The following CDK11A variants were observed in gnomAD, a reference collection of about 807,000 sequenced individuals.
CDK11A encodes cyclin dependent kinase 11A, also known as cyclin-dependent kinase 11A.
CDK11A carries 55 observed loss-of-function variants against 83.6 expected under a neutral mutation model. That is an observed-to-expected ratio of 0.66 (90% CI 0.53 to 0.82). The LOEUF (loss-of-function observed/expected upper bound fraction) is 0.82. Ranked by LOEUF, CDK11A falls within the 40% of genes least tolerant of loss-of-function variation. The probability of loss-of-function intolerance (pLI) is 0.00; values close to 1 mark genes in which losing one functional copy is unlikely to be tolerated. For synonymous variants in CDK11A, 247 were observed against 302.7 expected (o/e 0.82, Z 1.91); for missense variants, 564 against 810.1 (o/e 0.70, Z 3.69).
intron 4 of CDK11A, among the ~76,000 whole-genome samples, chr1:1,717,707 A>G (rs76112045): frequency 1.4e-5 from 2 of 138,356 alleles, no homozygotes; most frequent in African/African-American, 5.4e-5. Flanking sequence ...ACACACGCAC[A>G]CTTTCAGCTG....
intron 5 of CDK11A, among the ~76,000 whole-genome samples, chr1:1,714,833 G>A (rs530725001): frequency 7.0e-6 from 1 of 143,678 alleles, no homozygotes; most frequent in South Asian, 2.2e-4. Flanking sequence ...CTGGTCACAA[G>A]TGGGTGGCGG....
rs777693382 is a variant in CDK11A at position 1,703,798 on chromosome 1, C to A, written c.1911+26G>T. On this transcript the variant is annotated intron_variant, in intron 17 of 19. Coordinates refer to ENST00000404249, the MANE Select transcript of CDK11A (RefSeq NM_024011.4). ...CCTGCAACTCCTCTGAAATCCATAGCGCACCTGCGGCAGGGCCAGACCCAC... is the reference window on the plus strand; with the variant it reads ...CCTGCAACTCCTCTGAAATCCATAGAGCACCTGCGGCAGGGCCAGACCCAC... 3.1e-6 allele frequency: 5 copies of A among 1,607,822 alleles called. 1 individual carries two copies. The highest frequency in any genetic ancestry group is 4.5e-5 in the East Asian group (2 of 44,748).
At chr1:1,717,798 G>A (rs1299035771) in intron 4 of CDK11A, among the ~76,000 whole-genome samples, 2 of 149,986 alleles carry the variant, frequency 1.3e-5, no homozygotes, top group Non-Finnish European at 3.0e-5. Flanking sequence ...CTGGTTTTCG[G>A]TCTGTGACAC....
chr1:1,703,306 T>C (rs1570365578), intron 18 of CDK11A, 37 bp from the exon 19 acceptor site: 1 of 553,954 alleles, frequency 1.8e-6, no homozygotes, highest in Non-Finnish European at 2.8e-6. Context: ...GAGGTGCTCG[T>C]GTGCTCCACT....
At chr1:1,716,919 CTT>C (rs758439009) in intron 4 of CDK11A, among the ~76,000 whole-genome samples, 36,448 of 117,256 alleles carry the variant, frequency 0.31, 6,903 homozygotes, top group East Asian at 0.52. Context: ...TAATCCTAAT[CTT>C]TTTTTTTTTT....
intron 2 of CDK11A, chr1:1,721,945 A>T: frequency 4.7e-6 from 2 of 429,106 alleles, no homozygotes; most frequent in Non-Finnish European, 4.2e-6. Flanking sequence ...AGGTCAGGAC[A>T]TTAAGACCAT....
chr1:1,710,693 C>G (rs1321886665), intron 6 of CDK11A, among the ~76,000 whole-genome samples: 2 of 150,890 alleles, frequency 1.3e-5, no homozygotes, highest in Admixed American at 1.3e-4. Context: ...AGGGAACTGT[C>G]TTAAACCTTC....
intron 5 of CDK11A, among the ~76,000 whole-genome samples, chr1:1,715,416 C>T (rs1361676092): frequency 2.0e-5 from 3 of 147,482 alleles, no homozygotes; most frequent in Non-Finnish European, 4.5e-5. Flanking sequence ...ATCTACCAAC[C>T]TCCACTTCTA....
chr1:1,713,029 G>C (rs1297431369), intron 5 of CDK11A, among the ~76,000 whole-genome samples: 2 of 38,224 alleles, frequency 5.2e-5, no homozygotes, highest in African/African-American at 8.9e-5. Flanking sequence ...TGTCACCCAG[G>C]CTGGAGTGCA....
At chr1:1,721,136 T>C (rs998841334) in intron 3 of CDK11A, among the ~76,000 whole-genome samples, 1 of 149,986 alleles carries the variant, frequency 6.7e-6, no homozygotes, top group Non-Finnish European at 1.5e-5. Flanking sequence ...GAGCTTGCAG[T>C]GAGCCGAGAT....
intron 11 of CDK11A, 102 bp from the exon 12 acceptor site, chr1:1,705,834 G>A: frequency 2.1e-6 from 1 of 467,180 alleles, no homozygotes; most frequent in East Asian, 3.3e-5. Flanking sequence ...GCAGGTGCAG[G>A]GCAGAGCCTT....
intron 10 of CDK11A, among the ~76,000 whole-genome samples, chr1:1,707,968 C>T (rs1174963619): frequency 1.0e-4 from 14 of 140,208 alleles, no homozygotes; most frequent in Non-Finnish European, 1.5e-4. Context: ...CCCAGCTCCT[C>T]GGCCCTGCTG....
At chr1:1,715,860 C>T (rs760928) in intron 5 of CDK11A, among the ~76,000 whole-genome samples, 120,648 of 149,508 alleles carry the variant, frequency 0.81, 51,080 homozygotes, top group Non-Finnish European at 0.93. Context: ...AACGAATATA[C>T]AGACTAATGG....
intron 2 of CDK11A, 97 bp from the exon 3 acceptor site, chr1:1,721,808 C>A (rs1644916911): frequency 7.8e-6 from 11 of 1,403,218 alleles, no homozygotes; most frequent in Non-Finnish European, 9.5e-6. Flanking sequence ...GGGCAACATC[C>A]CAAAACAAAC....
At chr1:1,708,150 A>AGGGG (rs1644388687) in intron 10 of CDK11A, 30 bp downstream of exon 10, 1 of 1,556,320 alleles carries the variant, frequency 6.4e-7, no homozygotes, top group African/African-American at 1.4e-5. Flanking sequence ...ACAGACAAGG[A>AGGGG]GGGGGCTCTG....
Position 1,721,756 on chromosome 1 carries a change from T to C in CDK11A, c.112-45A>G, listed in dbSNP as rs368601641. On this transcript the variant is annotated intron_variant, in intron 2 of 19. Transcript: ENST00000404249. ...TTAATCATTTTCTTTATAAGTTTTT[T>C]TTTCTTCATAGATAAAAGTATTTTT... 309 of 1,476,538 alleles carry C rather than the reference T, an allele frequency of 2.1e-4. 8 individuals are homozygous for C. In the African/African-American group the frequency reaches 3.9e-3, roughly 18 times the overall value. The allele number at this position is 1,476,538 out of a possible 1,614,324, so 91.5% of individuals were successfully genotyped here.
At position 1,704,965 on chromosome 1, in the gene CDK11A, G is replaced by A. The variant is rs372941585; in HGVS notation, c.1397C>T (p.Thr466Met). 5.6e-6 allele frequency: 9 copies of A among 1,598,518 alleles called. 2 individuals are homozygous for A. The highest frequency in any genetic ancestry group is 2.2e-5 in the South Asian group (2 of 89,328). Reference protein sequence around the residue: ...MEKEKEGFPITSLREINTILK... With the variant: ...MEKEKEGFPIMSLREINTILK... ...GATGGTGTTGATCTCCCTCAGGGACGTGATCGGGAAGCCCTCCTTCTCCTT... is the reference window on the plus strand; with the variant it reads ...GATGGTGTTGATCTCCCTCAGGGACATGATCGGGAAGCCCTCCTTCTCCTT... The change falls in exon 13 of 20, where the codon ACG (threonine) becomes ATG (methionine). Residue 466 changes from threonine (T) to methionine (M), a missense_variant. Thr to Met is a moderately conservative substitution (Grantham distance 81). Coordinates refer to ENST00000404249, the MANE Select transcript of CDK11A (RefSeq NM_024011.4).
Position 1,704,542 on chromosome 1 carries a change from G to T in CDK11A, c.1564+8C>A. ...GTACGCAGACAGGACCCCGGGGCGC[G>T]GCTGTACCTGGCAGGAAGGGCTGTT... is the stretch of plus-strand genomic sequence containing the variant. On this transcript the variant is annotated splice_region_variant and intron_variant, in intron 14 of 19. Coordinates refer to ENST00000404249, the MANE Select transcript of CDK11A (RefSeq NM_024011.4). 6.2e-7 allele frequency: 1 copy of T among 1,604,152 alleles called. No homozygotes were observed. The highest frequency in any genetic ancestry group is 8.5e-7 in the Non-Finnish European group (1 of 1,174,508).
intron 5 of CDK11A, among the ~76,000 whole-genome samples, chr1:1,715,579 C>T (rs1190852221): frequency 1.3e-5 from 2 of 148,608 alleles, no homozygotes; most frequent in African/African-American, 4.9e-5. Context: ...GCCTCAGTGT[C>T]TCCCACACCC....
Sources: allele counts gnomAD v4.1 joint callset (sites outside exome capture counted in the v4.1 genomes callset), GRCh38; gene constraint gnomAD v4.1.1; transcripts MANE v1.5; gene names NCBI Gene and HGNC (gene_info 2026-07-23, HGNC 2026-07-21).